The following RANBP3 variants were observed in gnomAD, a reference collection of about 807,000 sequenced individuals.
RANBP3 encodes ran-binding protein 3.
A neutral mutation model predicts 77.3 loss-of-function variants in RANBP3; 14 were observed. That is an observed-to-expected ratio of 0.18 (90% CI 0.12 to 0.28). The LOEUF is 0.28. Among genes scored for constraint, RANBP3 ranks in the 10% least tolerant of loss-of-function variants. The pLI is 1.00. For synonymous variants in RANBP3, 315 were observed against 312.4 expected, an observed-to-expected ratio of 1.01 and a Z score of -0.09; for missense variants, 586 against 752.3, an observed-to-expected ratio of 0.78 and a Z score of 2.59.
At chr19:5,939,325 G>C (rs965574607) in intron 5 of RANBP3, among the ~76,000 whole-genome samples, 1 of 152,160 alleles carries the variant, frequency 6.6e-6, no homozygotes, top group Non-Finnish European at 1.5e-5. Context: ...AAACATGAGG[G>C]CTTATGAAGC....
rs553814556 is a variant in RANBP3 at position 5,919,965 on chromosome 19, C to T, written c.1330+1236G>A. Among the ~76,000 whole-genome samples, 48 of 152,156 alleles carry T rather than the reference C, an allele frequency of 3.2e-4. 1 individual carries two copies. The highest frequency in any genetic ancestry group is 9.9e-4 in the African/African-American group (41 of 41,516). On this transcript the variant is annotated intron_variant, in intron 14 of 16. Coordinates refer to ENST00000340578, the MANE Select transcript of RANBP3 (RefSeq NM_007322.3). ...GCAGTCCCAGCCTGCAGGGACATCC[C>T]CTGTCTGTTCTGACCAGAGCAGTGT...
chr19:5,930,096 G>A (rs1209737271), intron 8 of RANBP3, among the ~76,000 whole-genome samples: 1 of 152,188 alleles, frequency 6.6e-6, no homozygotes, highest in Non-Finnish European at 1.5e-5. Flanking sequence ...CTCACCATCG[G>A]GGACAATCAG....
At chr19:5,951,318 G>C in intron 3 of RANBP3, 75 bp downstream of exon 3, 5 of 1,341,458 alleles carry the variant, frequency 3.7e-6, no homozygotes, top group Middle Eastern at 2.5e-4. Flanking sequence ...GGATCTGAGG[G>C]ACCCGAAGGG....
At chr19:5,918,917 A>G (rs2057781461) in intron 14 of RANBP3, among the ~76,000 whole-genome samples, 1 of 152,272 alleles carries the variant, frequency 6.6e-6, no homozygotes, top group Non-Finnish European at 1.5e-5. Context: ...CAGAGGCCAC[A>G]TGCAGCTTGT....
chr19:5,976,791 G>A (rs1033956754), intron 1 of RANBP3, among the ~76,000 whole-genome samples: 3 of 152,174 alleles, frequency 2.0e-5, no homozygotes, highest in African/African-American at 7.2e-5. Context: ...GAGAACCTGT[G>A]CTGCTGCCTG....
chr19:5,951,724 T>C, intron 2 of RANBP3, 128 bp from the exon 3 acceptor site: 2 of 844,542 alleles, frequency 2.4e-6, no homozygotes, highest in Non-Finnish European at 3.8e-6. Context: ...GGGAGGAAGA[T>C]GGGGAGAGCA....
intron 8 of RANBP3, among the ~76,000 whole-genome samples, chr19:5,928,861 T>C (rs1394524398): frequency 6.6e-6 from 1 of 152,244 alleles, no homozygotes; most frequent in African/African-American, 2.4e-5. Context: ...GTCTTTCCTA[T>C]ACCACATGAT....
chr19:5,949,971 A>G (rs997740831), intron 3 of RANBP3, among the ~76,000 whole-genome samples: 4 of 152,134 alleles, frequency 2.6e-5, no homozygotes, highest in Admixed American at 1.3e-4. Flanking sequence ...TGTGGGCTGC[A>G]TTTTTCAAAC....
At position 5,931,514 on chromosome 19, in the gene RANBP3, T is replaced by C; in HGVS notation, c.583A>G (p.Asn195Asp). The change falls in exon 8 of 17, where the codon AAC becomes GAC. Residue 195 changes from asparagine (N) to aspartate (D), a missense_variant. By Grantham distance (23) the Asn-to-Asp change is conservative. This residue lies in a region of RANBP3 where 232 missense variants were observed against 271.7 expected (regional missense o/e 0.85). Coordinates refer to ENST00000340578, the MANE Select transcript of RANBP3 (RefSeq NM_007322.3). ...LSQTVPSSGT[N>D]GVSLPADCTG... The stretch of plus-strand genomic sequence containing the variant: ...CAGTCTGCTGGGAGGCTGACCCCGT[T>C]GGTGCCACTGCTGGGGACTGTGGGA... 6.2e-7 allele frequency: 1 copy of C among 1,610,926 alleles called. No individual in the cohort carries two copies.
At chr19:5,920,660 G>A (rs191241566) in intron 14 of RANBP3, among the ~76,000 whole-genome samples, 1 of 152,066 alleles carries the variant, frequency 6.6e-6, no homozygotes, top group South Asian at 2.1e-4. Context: ...CAATTCTCCT[G>A]CCTCAGCCTC....
rs563110835 is a variant in RANBP3, at chr19:5,951,565, G to A, written c.110C>T (p.Ser37Leu). 46 of 1,613,482 alleles carry A rather than the reference G, an allele frequency of 2.9e-5. No individual in the cohort carries two copies. The highest frequency in any genetic ancestry group is 8.9e-5 in the East Asian group (4 of 44,882). The part of the protein sequence containing the change: ...SPAEQKNLSD[S>L]GEEPRGEAEA... Reference sequence around the variant, plus strand: ...AGCCTCCCCCCGAGGCTCCTCTCCCGAATCCGACAAGTTTTTTTGCTCTGC... The same window carrying A: ...AGCCTCCCCCCGAGGCTCCTCTCCCAAATCCGACAAGTTTTTTTGCTCTGC... The change falls in exon 3 of 17, where the codon TCG becomes TTG. Residue 37 changes from serine to leucine, a missense_variant. By Grantham distance (145) the Ser-to-Leu change is moderately radical. This residue lies in a region of RANBP3 where 172 missense variants were observed against 183.4 expected (regional missense o/e 0.94). Transcript: ENST00000340578.
rs549141978 is a variant in RANBP3 at position 5,933,582 on chromosome 19, C to T, written c.407-103G>A. On this transcript the variant is annotated intron_variant, in intron 5 of 16. Coordinates refer to ENST00000340578, the MANE Select transcript of RANBP3 (RefSeq NM_007322.3). ...ACTATGGTCTTGGCCTCAGTGACTT[C>T]GGGCCTGGAGAACCAGGGAGAACAT... 260 of 829,280 alleles carry T rather than the reference C, an allele frequency of 3.1e-4. 1 individual carries two copies. The highest frequency in any genetic ancestry group is 6.6e-4 in the Admixed American group (25 of 37,898). 51.4% of individuals were successfully genotyped at this position (829,280 alleles called of 1,614,324 possible).
rs2057988292 is a variant in RANBP3, at chr19:5,931,395, C to T, written c.693+9G>A. ...CATGCAGCGCTTCCCTGCCTCAGGA[C>T]CCACTGACCTCAAGTGCACACACCT... On this transcript the variant is annotated intron_variant, in intron 8 of 16. Coordinates refer to ENST00000340578, the MANE Select transcript of RANBP3 (RefSeq NM_007322.3). The T allele has an allele frequency of 6.2e-7, 1 of 1,603,738 alleles. No homozygotes were observed. The highest frequency in any genetic ancestry group is 1.3e-5 in the African/African-American group (1 of 74,776).
At chr19:5,967,655 C>T (rs1247557486) in intron 1 of RANBP3, among the ~76,000 whole-genome samples, 1 of 152,200 alleles carries the variant, frequency 6.6e-6, no homozygotes, top group Non-Finnish European at 1.5e-5. Flanking sequence ...AGACCGTAAG[C>T]CCCGGGGGGC....
intron 10 of RANBP3, 188 bp from the exon 11 acceptor site, chr19:5,925,093 T>G: frequency 1.7e-6 from 1 of 605,018 alleles, no homozygotes; most frequent in East Asian, 2.9e-5. Context: ...CATTAACCCT[T>G]AGCTCGCCCT....
At chr19:5,930,101 A>T (rs2057969006) in intron 8 of RANBP3, among the ~76,000 whole-genome samples, 1 of 152,246 alleles carries the variant, frequency 6.6e-6, no homozygotes, top group South Asian at 2.1e-4. Flanking sequence ...CATCGGGGAC[A>T]ATCAGAGACA....
chr19:5,923,468 C>T (rs1254262030), intron 12 of RANBP3, among the ~76,000 whole-genome samples, 165 bp from the exon 13 acceptor site: 3 of 152,178 alleles, frequency 2.0e-5, no homozygotes, highest in African/African-American at 7.2e-5. Context: ...ACAGCCAGAG[C>T]ATATGGCCTC....
chr19:5,966,846 T>C (rs774513900), intron 1 of RANBP3, among the ~76,000 whole-genome samples: 24 of 152,262 alleles, frequency 1.6e-4, no homozygotes, highest in Admixed American at 5.2e-4. Context: ...GCAAGGTACT[T>C]GCATAAAATT....
chr19:5,917,667 GC>G lies in RANBP3; in HGVS notation c.1661-15del. The stretch of plus-strand genomic sequence containing the variant: ...CGTCACCAGCACCTGCAGGGAAGCA[GC>G]AGCCCCGCATCAGGATGGAGCCCGC... On this transcript the variant is annotated splice_polypyrimidine_tract_variant and intron_variant, in intron 16 of 16. Transcript: ENST00000340578. The G allele has an allele frequency of 6.2e-7, 1 of 1,605,484 alleles. No homozygotes were observed. The highest frequency in any genetic ancestry group is 8.5e-7 in the Non-Finnish European group (1 of 1,178,716).
Sources: gnomAD v4.1 joint callset for allele counts (sites outside exome capture counted in the v4.1 genomes callset) on GRCh38, gnomAD v4.1.1 for gene constraint, gnomAD v4.1.1 regional missense constraint, MANE v1.5 for transcripts, NCBI Gene and HGNC (gene_info 2026-07-23, HGNC 2026-07-21) for gene names.